EGFR: variants seen among roughly 807,000 people sequenced by gnomAD.
EGFR encodes epidermal growth factor receptor.
A neutral mutation model predicts 143.0 loss-of-function variants in EGFR; 58 were observed. The ratio of observed to expected loss-of-function variants is 0.41; its 90% CI spans 0.33 to 0.50. The LOEUF (loss-of-function observed/expected upper bound fraction) is 0.50. Ranked by LOEUF, EGFR falls within the 20% of genes least tolerant of loss-of-function variation. The pLI is 0.39. For missense variants in EGFR, 1,307 were observed against 1,579.0 expected (o/e 0.83, Z 2.92); for synonymous variants, 613 against 594.4 (o/e 1.03, Z -0.45).
At position 55,203,332 on chromosome 7, in the gene EGFR, C is replaced by T. The variant is rs372269442; in HGVS notation, c.3271+707C>T. ...ACACCACACACACCACATACACACA[C>T]GTATACACACATATATACACACATA... On this transcript the variant is annotated intron_variant, in intron 27 of 27. Coordinates refer to ENST00000275493, the MANE Select transcript of EGFR (RefSeq NM_005228.5). Among the ~76,000 whole-genome samples the T allele has an allele frequency of 4.7e-3, 704 of 149,656 alleles. 9 individuals are homozygous for T. Among genetic ancestry groups the T allele is most frequent in the African/African-American group, 0.017 (668 of 40,384 alleles).
intron 1 of EGFR, among the ~76,000 whole-genome samples, chr7:55,119,723 G>A (rs549671576): frequency 7.2e-5 from 11 of 152,318 alleles, no homozygotes; most frequent in African/African-American, 2.2e-4. Flanking sequence ...CCTGGGCTGC[G>A]TGAACCCACC....
chr7:55,104,990 G>A (rs1311719514), intron 1 of EGFR, among the ~76,000 whole-genome samples: 1 of 152,232 alleles, frequency 6.6e-6, no homozygotes, highest in Non-Finnish European at 1.5e-5. Context: ...TCCAGGGATA[G>A]GAATATTAAT....
At position 55,205,762 on chromosome 7, in the gene EGFR, A is replaced by G. The variant is rs963554267; in HGVS notation, c.*145A>G. 1.6e-6 allele frequency: 2 copies of G among 1,281,820 alleles called. No homozygotes were observed. Among genetic ancestry groups the G allele is most frequent in the African/African-American group, 1.5e-5 (1 of 67,760 alleles). 79.4% of individuals were successfully genotyped at this position (1,281,820 alleles called of 1,614,324 possible). A position where few individuals can be genotyped will look rare whatever the true frequency, so the allele number is the denominator to read the frequency against. On this transcript the variant is annotated 3_prime_UTR_variant, in exon 28 of 28. Transcript: ENST00000275493. ...TTTGCAACGTTTACACCGACTAGCC[A>G]GGAAGTACTTCCACCTCGGGCACAT...
intron 1 of EGFR, among the ~76,000 whole-genome samples, chr7:55,024,834 A>T (rs1405477828): frequency 6.6e-6 from 1 of 152,224 alleles, no homozygotes; most frequent in Non-Finnish European, 1.5e-5. Context: ...GTGTGAAACA[A>T]TGTCACAGAA....
intron 27 of EGFR, 68 bp from the exon 28 acceptor site, chr7:55,205,187 GA>G (rs1171147881): frequency 7.2e-5 from 115 of 1,591,562 alleles, no homozygotes; most frequent in Non-Finnish European, 9.5e-5. Context: ...ACAGGGTTCA[GA>G]ACCCAGGGAT....
At chr7:55,130,500 G>T (rs1399274340) in intron 1 of EGFR, among the ~76,000 whole-genome samples, 1 of 152,158 alleles carries the variant, frequency 6.6e-6, no homozygotes, top group Admixed American at 6.5e-5. Context: ...CAGGGAAAGG[G>T]AAAGCTTCAC....
chr7:55,062,407 C>T (rs765191487), intron 1 of EGFR, among the ~76,000 whole-genome samples: 2 of 152,082 alleles, frequency 1.3e-5, no homozygotes, highest in Non-Finnish European at 2.9e-5. Flanking sequence ...GGAGGACTCC[C>T]GACCCCCATG....
intron 1 of EGFR, among the ~76,000 whole-genome samples, chr7:55,123,255 A>T (rs1793318568): frequency 6.6e-6 from 1 of 152,194 alleles, no homozygotes; most frequent in Non-Finnish European, 1.5e-5. Context: ...TTTCAGATTA[A>T]CTCAAGGTAT....
chr7:55,021,128 T>C (rs1279846815), intron 1 of EGFR, among the ~76,000 whole-genome samples: 4 of 152,114 alleles, frequency 2.6e-5, no homozygotes, highest in Non-Finnish European at 5.9e-5. Context: ...TTGCCAAATA[T>C]AGGAAAGAGG....
intron 1 of EGFR, among the ~76,000 whole-genome samples, chr7:55,032,370 C>G (rs1562653762): frequency 6.6e-6 from 1 of 152,054 alleles, no homozygotes; most frequent in Non-Finnish European, 1.5e-5. Context: ...GCTAAATGGG[C>G]CTTAAGGGAA....
chr7:55,156,387 C>CA, intron 8 of EGFR, 146 bp from the exon 9 acceptor site: 1 of 1,186,662 alleles, frequency 8.4e-7, no homozygotes, highest in Non-Finnish European at 1.2e-6. Context: ...CCAGCCCCTT[C>CA]AGTGTTTGTT....
Position 55,157,651 on chromosome 7 carries a change from T to C in EGFR, c.1208-12T>C, listed in dbSNP as rs553580804. ...CGTGGTGTGTGTCTGAAGTCTTTCATCTGCCTTACAGGGTTTTTGCTGATT... is the reference window on the plus strand; with the variant it reads ...CGTGGTGTGTGTCTGAAGTCTTTCACCTGCCTTACAGGGTTTTTGCTGATT... On this transcript the variant is annotated splice_polypyrimidine_tract_variant and intron_variant, in intron 10 of 27. Transcript: ENST00000275493. 1 of 1,613,912 alleles carries C rather than the reference T, an allele frequency of 6.2e-7. No individual in the cohort carries two copies. Among genetic ancestry groups the C allele is most frequent in the African/African-American group, 1.3e-5 (1 of 75,068 alleles).
At position 55,205,767 on chromosome 7, in the gene EGFR, G is replaced by A; in HGVS notation, c.*150G>A. 8.1e-7 allele frequency: 1 copy of A among 1,238,096 alleles called. No homozygotes were observed. 76.7% of individuals were successfully genotyped at this position (1,238,096 alleles called of 1,614,324 possible). On this transcript the variant is annotated 3_prime_UTR_variant, in exon 28 of 28. Coordinates refer to ENST00000275493, the MANE Select transcript of EGFR (RefSeq NM_005228.5). ...AACGTTTACACCGACTAGCCAGGAA[G>A]TACTTCCACCTCGGGCACATTTTGG... is the stretch of plus-strand genomic sequence containing the variant.
chr7:55,048,974 G>C (rs548356942), intron 1 of EGFR, among the ~76,000 whole-genome samples: 1 of 152,320 alleles, frequency 6.6e-6, no homozygotes, highest in South Asian at 2.1e-4. Flanking sequence ...ACTCAGTGGA[G>C]TGGGTGCACT....
intron 1 of EGFR, among the ~76,000 whole-genome samples, chr7:55,141,177 T>A (rs1289641003): frequency 1.3e-5 from 2 of 152,196 alleles, no homozygotes; most frequent in African/African-American, 4.8e-5. Flanking sequence ...CCAGAGGCCA[T>A]ATTTCTTCAC....
rs777438007 is a variant in EGFR, at chr7:55,152,532, T to C, written c.629-14T>C. The C allele has an allele frequency of 1.2e-6, 2 of 1,612,636 alleles. No homozygotes were observed. Among genetic ancestry groups the C allele is most frequent in the Non-Finnish European group, 1.7e-6 (2 of 1,178,772 alleles). On this transcript the variant is annotated splice_polypyrimidine_tract_variant and intron_variant, in intron 5 of 27. Transcript: ENST00000275493. ...TCACTCTTCAGCTCACAGGGAACCTTTGCTCTTTTTCAGTGACCAAAATCA... is the reference window on the plus strand; with the variant it reads ...TCACTCTTCAGCTCACAGGGAACCTCTGCTCTTTTTCAGTGACCAAAATCA...
At chr7:55,039,559 G>A (rs983255997) in intron 1 of EGFR, among the ~76,000 whole-genome samples, 4 of 152,204 alleles carry the variant, frequency 2.6e-5, no homozygotes, top group African/African-American at 9.6e-5. Flanking sequence ...AAAGGAATGT[G>A]CTTGGGTGAG....
intron 15 of EGFR, among the ~76,000 whole-genome samples, chr7:55,169,309 C>A (rs1217947794): frequency 6.6e-6 from 1 of 152,066 alleles, no homozygotes. Flanking sequence ...CCATGTTGGC[C>A]AGGCTTGTCT....
At chr7:55,126,694 G>T (rs951714936) in intron 1 of EGFR, among the ~76,000 whole-genome samples, 1 of 152,198 alleles carries the variant, frequency 6.6e-6, no homozygotes, top group Admixed American at 6.5e-5. Context: ...ATTCTAGTGG[G>T]ATTGAATCTC....
Sources: allele counts gnomAD v4.1 joint callset (sites outside exome capture counted in the v4.1 genomes callset), GRCh38; gene constraint gnomAD v4.1.1; transcripts MANE v1.5; gene names NCBI Gene and HGNC (gene_info 2026-07-23, HGNC 2026-07-21).